Variants in ROR2 observed in about 807,000 individuals in gnomAD.
The protein encoded by ROR2 is tyrosine-protein kinase transmembrane receptor ROR2.
Under a neutral mutation model 74.9 loss-of-function variants are expected in ROR2, and 33 were observed. The ratio of observed to expected loss-of-function variants is 0.44; its 90% confidence interval spans 0.33 to 0.59. The LOEUF is 0.59. ROR2 is among the 20% of genes least tolerant of loss of function. The probability of loss-of-function intolerance (pLI) is 0.02; values close to 1 mark genes in which losing one functional copy is unlikely to be tolerated. For missense variants in ROR2, 1,216 were observed against 1,313.8 expected, an observed-to-expected ratio of 0.93 and a Z score of 1.15; for synonymous variants, 586 against 558.7, an observed-to-expected ratio of 1.05 and a Z score of -0.69.
chr9:91,745,113 T>G (rs1825365567), intron 4 of ROR2, among the ~76,000 whole-genome samples: 1 of 151,424 alleles, frequency 6.6e-6, no homozygotes, highest in Admixed American at 6.6e-5. Flanking sequence ...CATTTATTAT[T>G]TATTAATTAT....
At chr9:91,734,199 A>G (rs577038268) in intron 5 of ROR2, among the ~76,000 whole-genome samples, 49 of 152,254 alleles carry the variant, frequency 3.2e-4, no homozygotes, top group African/African-American at 1.2e-3. Context: ...ATGGCTGGAC[A>G]CTGGTAAGGG....
At chr9:91,872,238 G>A (rs1220637917) in intron 1 of ROR2, among the ~76,000 whole-genome samples, 1 of 152,098 alleles carries the variant, frequency 6.6e-6, no homozygotes, top group African/African-American at 2.4e-5. Flanking sequence ...TATAACCTGA[G>A]TTTATGTCAA....
At chr9:91,903,418 A>C (rs1357547300) in intron 1 of ROR2, among the ~76,000 whole-genome samples, 1 of 151,820 alleles carries the variant, frequency 6.6e-6, no homozygotes, top group Non-Finnish European at 1.5e-5. Context: ...CCCCAAAATA[A>C]ATGGAAATGA....
chr9:91,899,116 G>C (rs113934820), intron 1 of ROR2, among the ~76,000 whole-genome samples: 2 of 152,314 alleles, frequency 1.3e-5, no homozygotes, highest in South Asian at 4.1e-4. Context: ...TTCCTGTTCC[G>C]CTGACTCCGG....
intron 1 of ROR2, among the ~76,000 whole-genome samples, chr9:91,879,754 G>A (rs1451860124): frequency 1.3e-5 from 2 of 151,636 alleles, no homozygotes; most frequent in Non-Finnish European, 2.9e-5. Context: ...CAAAGTCTGG[G>A]TGCAGCAGAC....
chr9:91,800,185 T>C (rs1418237945), intron 1 of ROR2, among the ~76,000 whole-genome samples: 1 of 151,752 alleles, frequency 6.6e-6, no homozygotes, highest in African/African-American at 2.4e-5. Context: ...CTACTAAAAG[T>C]ACAAAAATTA....
intron 6 of ROR2, 132 bp downstream of exon 6, chr9:91,732,990 C>A (rs763700004): frequency 2.4e-5 from 22 of 914,024 alleles, no homozygotes; most frequent in Non-Finnish European, 3.2e-5. Context: ...GTGGGGCCCT[C>A]GGCTGCTAAG....
chr9:91,833,783 C>A (rs77942610), intron 1 of ROR2, among the ~76,000 whole-genome samples: 5,636 of 152,194 alleles, frequency 0.037, 154 homozygotes, highest in East Asian at 0.095. Flanking sequence ...CTCTGCCCCA[C>A]GCAGCCAAGA....
chr9:91,733,314 G>T lies in ROR2; in HGVS notation c.745C>A (p.Arg249Ser), dbSNP rs1435366469. 6.2e-7 allele frequency: 1 copy of T among 1,612,800 alleles called. No individual in the cohort carries two copies. Among genetic ancestry groups the T allele is most frequent in the Admixed American group, 1.7e-5 (1 of 59,964 alleles). Residue 249 changes from arginine to serine, a missense_variant, in exon 6 of 9, where the codon CGT becomes AGT. Physicochemically the swap from Arg to Ser is moderately radical, Grantham distance 110. Transcript: ENST00000375708. This position sits in a 1 kb window ranked among gnomAD's most constrained non-coding sequence, Gnocchi z 5.7. The stretch of plus-strand genomic sequence containing the variant: ...TCGCACTCGTCGCGGCACAGCTCAC[G>T]CGGCTTGGGTGTCCGGGAGCGCGCG... ...CDARSRTPKP[R>S]ELCRDECEVL... is the part of the protein sequence containing the mutation.
At chr9:91,949,714 G>A (rs1211158205) in intron 1 of ROR2, among the ~76,000 whole-genome samples, 153 bp downstream of exon 1, 1 of 151,638 alleles carries the variant, frequency 6.6e-6, no homozygotes, top group Non-Finnish European at 1.5e-5. Flanking sequence ...GGCCGGGAGC[G>A]GCGTCGGGCG....
rs1347384827 is a variant in ROR2, at chr9:91,757,529, T to G, written c.206A>C (p.Asn69Thr). The change falls in exon 3 of 9, where the codon AAC (asparagine) becomes ACC (threonine). Residue 69 changes from asparagine to threonine, a missense_variant. By Grantham distance (65) the Asn-to-Thr change is moderately conservative (BLOSUM62 0). Coordinates refer to ENST00000375708, the MANE Select transcript of ROR2 (RefSeq NM_004560.4). ...GYFLNFLEPV[N>T]NITIVQGQTA... ...CTGGCCTTGGACAATGGTGATATTG[T>G]TTACTGGCTCCAGAAAATTCAGAAA... is the stretch of plus-strand genomic sequence containing the variant. The G allele has an allele frequency of 6.2e-7, 1 of 1,613,600 alleles. No individual in the cohort carries two copies. The highest frequency in any genetic ancestry group is 1.1e-5 in the South Asian group (1 of 90,984).
intron 5 of ROR2, among the ~76,000 whole-genome samples, chr9:91,735,912 G>A (rs1419353669): frequency 3.3e-5 from 5 of 151,892 alleles, no homozygotes; most frequent in South Asian, 2.1e-4. Context: ...CACCGTGCCC[G>A]GCCACTTTTT....
intron 1 of ROR2, among the ~76,000 whole-genome samples, chr9:91,918,998 C>T (rs959902784): frequency 6.6e-6 from 1 of 151,056 alleles, no homozygotes; most frequent in South Asian, 2.1e-4. Flanking sequence ...CTCTGCAGTC[C>T]GCACCCCTGT....
chr9:91,844,878 G>A (rs1197833974), intron 1 of ROR2, among the ~76,000 whole-genome samples: 1 of 152,202 alleles, frequency 6.6e-6, no homozygotes, highest in Non-Finnish European at 1.5e-5. Flanking sequence ...GACAGGGAAG[G>A]CGGGGCGGGG....
At chr9:91,864,319 G>C (rs1323331511) in intron 1 of ROR2, among the ~76,000 whole-genome samples, 1 of 152,166 alleles carries the variant, frequency 6.6e-6, no homozygotes, top group African/African-American at 2.4e-5. Flanking sequence ...TTCTTGCAAT[G>C]AAGAGAATCC....
chr9:91,724,037 G>A lies in ROR2; in HGVS notation c.2457C>T (p.Val819=), dbSNP rs1836901279. 1 of 1,612,116 alleles carries A rather than the reference G, an allele frequency of 6.2e-7. No individual in the cohort carries two copies. The highest frequency in any genetic ancestry group is 1.3e-5 in the African/African-American group (1 of 74,934). The change falls in exon 9 of 9, where the codon GTC becomes GTT. Residue 819 remains valine, a synonymous_variant. Coordinates refer to ENST00000375708, the MANE Select transcript of ROR2 (RefSeq NM_004560.4). The part of the protein sequence containing the change: ...RPMVPPPQLY[V]PVNGYQPVPA... The stretch of plus-strand genomic sequence containing the variant: ...GCACCGGCTGGTAGCCGTTGACGGG[G>A]ACGTAGAGCTGCGGCGGGGGCACCA...
chr9:91,747,446 A>G (rs1479308398), intron 4 of ROR2, among the ~76,000 whole-genome samples: 2 of 152,240 alleles, frequency 1.3e-5, no homozygotes, highest in African/African-American at 4.8e-5. Context: ...ATCAGAGTTC[A>G]TGGCTAAGAA....
intron 1 of ROR2, among the ~76,000 whole-genome samples, chr9:91,860,657 G>A (rs1829443692): frequency 6.6e-6 from 1 of 152,198 alleles, no homozygotes; most frequent in African/African-American, 2.4e-5. Flanking sequence ...GAGTCCAAAG[G>A]CTGGAAGGCC....
chr9:91,945,989 C>G (rs1418289127), intron 1 of ROR2, among the ~76,000 whole-genome samples: 1 of 152,198 alleles, frequency 6.6e-6, no homozygotes, highest in Non-Finnish European at 1.5e-5. Context: ...TGGATTTTTA[C>G]TTTCAAAACT....
Sources: allele counts gnomAD v4.1 joint callset (sites outside exome capture counted in the v4.1 genomes callset), GRCh38; gene constraint gnomAD v4.1.1; non-coding constraint Gnocchi (gnomAD v3.1); transcripts MANE v1.5; gene names NCBI Gene and HGNC (gene_info 2026-07-23, HGNC 2026-07-21).